The following LSAMP variants were observed in gnomAD, a reference collection of about 807,000 sequenced individuals.
The protein encoded by LSAMP is limbic system-associated membrane protein.
Under a neutral mutation model 38.6 loss-of-function variants are expected in LSAMP, and 7 were observed. The observed-to-expected ratio is 0.18, with a 90% CI of 0.10 to 0.34. LSAMP has a LOEUF of 0.34. LSAMP is among the 10% of genes least tolerant of loss of function. The pLI is 1.00. For missense variants in LSAMP, 313 were observed against 420.0 expected, an observed-to-expected ratio of 0.75 and a Z score of 2.23; for synonymous variants, 154 against 166.8, an observed-to-expected ratio of 0.92 and a Z score of 0.59.
chr3:116,105,207 T>G (rs557599506), intron 1 of LSAMP, among the ~76,000 whole-genome samples: 2 of 151,000 alleles, frequency 1.3e-5, no homozygotes, highest in South Asian at 4.2e-4. Flanking sequence ...CAGCTGGTGA[T>G]ATACAGTCTG....
chr3:115,829,865 T>G (rs1934552179), intron 6 of LSAMP, among the ~76,000 whole-genome samples: 1 of 152,206 alleles, frequency 6.6e-6, no homozygotes, highest in African/African-American at 2.4e-5. Context: ...AAGAATACAT[T>G]GAACTTATAT....
intron 1 of LSAMP, among the ~76,000 whole-genome samples, chr3:116,401,712 A>G (rs887607135): frequency 1.3e-5 from 2 of 152,220 alleles, no homozygotes; most frequent in African/African-American, 4.8e-5. Flanking sequence ...CAATTCACAC[A>G]GCAGCTCATA....
chr3:116,209,142 G>A lies in LSAMP; in HGVS notation c.156-122586C>T, dbSNP rs184283067. On this transcript the variant is annotated intron_variant, in intron 1 of 6. Transcript: ENST00000490035. ...AGCCGGTCCGAAAAGCGCAGTATTC[G>A]GGTGGGAGTGACCCGATTTTCCAGG... Among the ~76,000 whole-genome samples the A allele has an allele frequency of 4.4e-3, 665 of 152,292 alleles. 7 individuals carry two copies. The highest frequency in any genetic ancestry group is 0.015 in the African/African-American group (623 of 41,562).
intron 1 of LSAMP, among the ~76,000 whole-genome samples, chr3:116,428,244 G>A (rs1051301571): frequency 2.6e-5 from 4 of 152,188 alleles, no homozygotes; most frequent in South Asian, 4.2e-4. Flanking sequence ...CAGATCATGA[G>A]GTCAAGAGAT....
intron 6 of LSAMP, among the ~76,000 whole-genome samples, chr3:115,811,883 C>A (rs1026173650): frequency 6.6e-6 from 1 of 152,166 alleles, no homozygotes; most frequent in Non-Finnish European, 1.5e-5. Flanking sequence ...GTGAAATGAT[C>A]GAGGCACAGG....
At chr3:115,954,817 C>T (rs2107583644) in intron 3 of LSAMP, among the ~76,000 whole-genome samples, 1 of 152,302 alleles carries the variant, frequency 6.6e-6, no homozygotes, top group South Asian at 2.1e-4. Context: ...TGCACCTGAT[C>T]CTGTTCCAGA....
chr3:116,167,225 G>A (rs1190373753), intron 1 of LSAMP, among the ~76,000 whole-genome samples: 1 of 152,062 alleles, frequency 6.6e-6, no homozygotes, highest in East Asian at 1.9e-4. Flanking sequence ...CCAATATGTA[G>A]TCTTTTTGCC....
At chr3:116,402,290 A>G (rs574418875) in intron 1 of LSAMP, among the ~76,000 whole-genome samples, 14 of 152,332 alleles carry the variant, frequency 9.2e-5, no homozygotes, top group Admixed American at 9.1e-4. Context: ...TATTATGATG[A>G]ATAATCACTT....
chr3:116,207,592 C>T (rs1299913340), intron 1 of LSAMP, among the ~76,000 whole-genome samples: 2 of 151,820 alleles, frequency 1.3e-5, no homozygotes, highest in Admixed American at 6.6e-5. Context: ...TCTTTTAGGG[C>T]AGGCCTGGTG....
At chr3:115,929,834 T>G in intron 3 of LSAMP, among the ~76,000 whole-genome samples, 1 of 152,088 alleles carries the variant, frequency 6.6e-6, no homozygotes, top group South Asian at 2.1e-4. Context: ...ATGCACCCTC[T>G]AGCTTCTTGG....
At chr3:116,379,017 ACAC>A in intron 1 of LSAMP, among the ~76,000 whole-genome samples, 1 of 151,410 alleles carries the variant, frequency 6.6e-6, no homozygotes, top group Non-Finnish European at 1.5e-5. Context: ...ACACACACAC[ACAC>A]ACACACACAC....
At chr3:116,201,545 G>T (rs528096987) in intron 1 of LSAMP, among the ~76,000 whole-genome samples, 3 of 152,176 alleles carry the variant, frequency 2.0e-5, no homozygotes, top group East Asian at 3.9e-4. Flanking sequence ...GAGTATTTTG[G>T]GCTGCTTGTT....
intron 3 of LSAMP, among the ~76,000 whole-genome samples, chr3:115,915,560 A>T (rs1374981932): frequency 1.3e-5 from 2 of 152,200 alleles, no homozygotes; most frequent in Admixed American, 1.3e-4. Context: ...ATCGGTGTAC[A>T]TAAAGCTCCT....
intron 3 of LSAMP, among the ~76,000 whole-genome samples, chr3:115,983,581 G>T (rs1392298911): frequency 6.6e-6 from 1 of 151,992 alleles, no homozygotes; most frequent in African/African-American, 2.4e-5. Context: ...CTAGTTTTTG[G>T]TTTTATGTTC....
intron 3 of LSAMP, among the ~76,000 whole-genome samples, chr3:115,950,333 C>T (rs1436616557): frequency 6.6e-6 from 1 of 151,942 alleles, no homozygotes; most frequent in Non-Finnish European, 1.5e-5. Flanking sequence ...ACCTAGAAAA[C>T]CCTACAGACT....
chr3:116,217,806 T>G (rs1418950610), intron 1 of LSAMP, among the ~76,000 whole-genome samples: 6 of 152,214 alleles, frequency 3.9e-5, no homozygotes, highest in Non-Finnish European at 8.8e-5. Context: ...TCCCCATCTC[T>G]GTAGCACACT....
chr3:116,174,972 T>C (rs1364144083), intron 1 of LSAMP, among the ~76,000 whole-genome samples: 6 of 152,076 alleles, frequency 3.9e-5, no homozygotes, highest in Non-Finnish European at 7.4e-5. Flanking sequence ...TTATGCCGAC[T>C]TCTCCACTAT....
At chr3:115,947,567 T>C (rs1028766183) in intron 3 of LSAMP, among the ~76,000 whole-genome samples, 3 of 152,214 alleles carry the variant, frequency 2.0e-5, no homozygotes, top group African/African-American at 7.2e-5. Flanking sequence ...CTGGTAATGT[T>C]TTATTTCTTG....
intron 3 of LSAMP, among the ~76,000 whole-genome samples, chr3:115,932,770 A>G (rs527662175): frequency 6.6e-6 from 1 of 152,322 alleles, no homozygotes; most frequent in South Asian, 2.1e-4. Context: ...TAATGACTTC[A>G]TTTAGTGGAG....
Sources: allele counts gnomAD v4.1 joint callset (sites outside exome capture counted in the v4.1 genomes callset), GRCh38; gene constraint gnomAD v4.1.1; transcripts MANE v1.5; gene names NCBI Gene and HGNC (gene_info 2026-07-23, HGNC 2026-07-21).